SEM1: variants seen among roughly 807,000 people sequenced by gnomAD.
The protein encoded by SEM1 is 26S proteasome complex subunit SEM1.
A neutral mutation model predicts 12.7 loss-of-function variants in SEM1; 3 were observed. That is an observed-to-expected ratio of 0.24 (90% CI 0.11 to 0.61). The LOEUF (loss-of-function observed/expected upper bound fraction) is 0.61, where lower values mean the gene tolerates loss of function less well. SEM1 is among the 20% of genes least tolerant of loss of function. SEM1 has a pLI of 0.88. For synonymous variants in SEM1, 30 were observed against 27.8 expected (o/e 1.08, Z -0.25); for missense variants, 59 against 81.3 (o/e 0.73, Z 1.06).
At chr7:96,563,543 T>C (rs114167200) in intron 2 of SEM1, among the ~76,000 whole-genome samples, 3,105 of 152,000 alleles carry the variant, frequency 0.02, 92 homozygotes, top group African/African-American at 0.071. Context: ...ACAAAAAAAT[T>C]TGGAATTTAT....
chr7:96,546,932 A>G lies in SEM1; in HGVS notation c.171-40234T>C, dbSNP rs117701377. 9.9e-4 allele frequency among the ~76,000 whole-genome samples: 150 copies of G among 152,256 alleles called. 1 individual carries two copies. In the East Asian group the frequency reaches 0.025, roughly 26 times the overall value. On this transcript the variant is annotated intron_variant and NMD_transcript_variant, in intron 2 of 3. Coordinates refer to the SEM1 transcript ENST00000466986. ...GTAGCCACCTACCCATCATGATGGA[A>G]AAAGCATCATCCTTTCGGTTGTAGC... is the stretch of plus-strand genomic sequence containing the variant.
downstream of SEM1, among the ~76,000 whole-genome samples, chr7:96,671,785 C>T (rs889744818): frequency 1.3e-5 from 2 of 152,106 alleles, no homozygotes; most frequent in Non-Finnish European, 2.9e-5. Flanking sequence ...CCTCAGAGAG[C>T]AGAATTACTC....
intron 2 of SEM1, among the ~76,000 whole-genome samples, chr7:96,584,325 G>T (rs192581744): frequency 3.5e-4 from 53 of 152,320 alleles, no homozygotes; most frequent in African/African-American, 1.2e-3. Flanking sequence ...TAAAGTTTCT[G>T]TCGAGAGATC....
At chr7:96,591,831 T>C (rs1806838576) in intron 2 of SEM1, among the ~76,000 whole-genome samples, 1 of 150,980 alleles carries the variant, frequency 6.6e-6, no homozygotes, top group African/African-American at 2.4e-5. Flanking sequence ...TTTTTTTCCT[T>C]TCAAAACAAC....
At chr7:96,636,126 C>T (rs1392304823) in intron 2 of SEM1, among the ~76,000 whole-genome samples, 1 of 151,948 alleles carries the variant, frequency 6.6e-6, no homozygotes, top group Non-Finnish European at 1.5e-5. Context: ...TTCAGTGCAA[C>T]AGACTATTGG....
chr7:96,630,825 C>T (rs1355542507), intron 2 of SEM1, among the ~76,000 whole-genome samples: 1 of 151,052 alleles, frequency 6.6e-6, no homozygotes, highest in Non-Finnish European at 1.5e-5. Context: ...TATTCAGGAC[C>T]CAAGGACTCT....
intron 2 of SEM1, among the ~76,000 whole-genome samples, chr7:96,581,521 G>A (rs1454435493): frequency 3.3e-5 from 5 of 152,106 alleles, no homozygotes; most frequent in African/African-American, 1.2e-4. Flanking sequence ...GTCATTGGTA[G>A]CTTGATGGGG....
At chr7:96,530,283 G>A (rs1331878562) in intron 2 of SEM1, among the ~76,000 whole-genome samples, 2 of 152,098 alleles carry the variant, frequency 1.3e-5, no homozygotes, top group Admixed American at 1.3e-4. Flanking sequence ...TATGGTGAAA[G>A]AGTAGCTGCT....
chr7:96,528,096 T>G (rs1165885027), intron 2 of SEM1, among the ~76,000 whole-genome samples: 1 of 152,092 alleles, frequency 6.6e-6, no homozygotes, highest in Admixed American at 6.6e-5. Context: ...CAGGGACAAT[T>G]TATGGTATAT....
chr7:96,626,117 C>A (rs572875351), intron 2 of SEM1, among the ~76,000 whole-genome samples: 2 of 152,150 alleles, frequency 1.3e-5, no homozygotes, highest in East Asian at 3.9e-4. Flanking sequence ...CTTATTCATT[C>A]TTTCTTTTTG....
chr7:96,641,860 GA>G (rs1235391338), intron 2 of SEM1, among the ~76,000 whole-genome samples: 1 of 151,596 alleles, frequency 6.6e-6, no homozygotes, highest in African/African-American at 2.4e-5. Context: ...GATCTTTGAA[GA>G]TTTTTTTTCC....
intron 2 of SEM1, among the ~76,000 whole-genome samples, chr7:96,561,328 C>T (rs1805686106): frequency 6.6e-6 from 1 of 152,140 alleles, no homozygotes; most frequent in Non-Finnish European, 1.5e-5. Context: ...ACTTCTCCAC[C>T]AGCTGGATCT....
chr7:96,687,578 AAC>A (rs770429122), downstream of SEM1, among the ~76,000 whole-genome samples: 1 of 151,970 alleles, frequency 6.6e-6, no homozygotes, highest in Non-Finnish European at 1.5e-5. Context: ...ATGGGAATTG[AAC>A]AATGAGAACA....
At chr7:96,541,032 T>G (rs1804929762) in intron 2 of SEM1, among the ~76,000 whole-genome samples, 1 of 151,806 alleles carries the variant, frequency 6.6e-6, no homozygotes, top group Non-Finnish European at 1.5e-5. Flanking sequence ...CTGTGAATAG[T>G]GCTGTGATGA....
At chr7:96,514,964 G>A (rs548506890) in intron 2 of SEM1, among the ~76,000 whole-genome samples, 4 of 152,000 alleles carry the variant, frequency 2.6e-5, no homozygotes, top group African/African-American at 4.8e-5. Flanking sequence ...CAATATTGAC[G>A]GAGAGCAAAT....
downstream of SEM1, among the ~76,000 whole-genome samples, chr7:96,683,932 T>C (rs889372932): frequency 2.6e-5 from 4 of 152,022 alleles, no homozygotes; most frequent in African/African-American, 9.7e-5. Flanking sequence ...ATGTAGATGA[T>C]GGGTTGATGG....
intron 2 of SEM1, among the ~76,000 whole-genome samples, chr7:96,544,661 C>T (rs1805053189): frequency 1.3e-5 from 2 of 151,954 alleles, no homozygotes; most frequent in Non-Finnish European, 1.5e-5. Context: ...AACTTAACTA[C>T]TAATAGCCTA....
chr7:96,612,963 T>C (rs1357075882), intron 2 of SEM1, among the ~76,000 whole-genome samples: 1 of 9,846 alleles, frequency 1.0e-4, no homozygotes, highest in Non-Finnish European at 4.3e-3. Context: ...TTTAAAAAAT[T>C]AAAACTTTTT....
chr7:96,591,623 C>T (rs985842679), intron 2 of SEM1, among the ~76,000 whole-genome samples: 2 of 152,276 alleles, frequency 1.3e-5, no homozygotes, highest in African/African-American at 4.8e-5. Context: ...CAGACATTAG[C>T]ATCAGTTTGG....
Sources: gnomAD v4.1 joint callset for allele counts (sites outside exome capture counted in the v4.1 genomes callset) on GRCh38, gnomAD v4.1.1 for gene constraint, MANE v1.5 for transcripts, NCBI Gene and HGNC (gene_info 2026-07-23, HGNC 2026-07-21) for gene names.